Variants in ZNF562 observed in about 807,000 individuals in gnomAD.
The protein encoded by ZNF562 is zinc finger protein 562.
A neutral mutation model predicts 17.5 loss-of-function variants in ZNF562; 13 were observed. The ratio of observed to expected loss-of-function variants is 0.74; its 90% confidence interval spans 0.48 to 1.18. The LOEUF is 1.18. Among genes scored for constraint, ZNF562 ranks in the 50% most tolerant of loss-of-function variants. The probability of loss-of-function intolerance (pLI) is 0.00; values close to 1 mark genes in which losing one functional copy is unlikely to be tolerated. For missense variants in ZNF562, 481 were observed against 498.5 expected, an observed-to-expected ratio of 0.96 and a Z score of 0.33; for synonymous variants, 163 against 165.4, an observed-to-expected ratio of 0.99 and a Z score of 0.11.
chr19:9,663,200 T>C lies in ZNF562; in HGVS notation c.-130-2326A>G, dbSNP rs555011276. 2.7e-5 allele frequency among the ~76,000 whole-genome samples: 4 copies of C among 146,638 alleles called. No individual in the cohort carries two copies. In the East Asian group the frequency reaches 8.0e-4, roughly 29 times the overall value. Reference sequence around the variant, plus strand: ...GCGGGTGGGTCACGAGGTCAGGAGATCGAGACCATCCGGCTAATGCAGTGA... The same window carrying C: ...GCGGGTGGGTCACGAGGTCAGGAGACCGAGACCATCCGGCTAATGCAGTGA... On this transcript the variant is annotated intron_variant, in intron 1 of 5. Transcript: ENST00000453372.
chr19:9,647,447 C>T lies in ZNF562; in HGVS notation c.*5502G>A, dbSNP rs2074816173. 6.6e-6 allele frequency: 1 copy of T among 152,076 alleles called. No individual in the cohort carries two copies. The highest frequency in any genetic ancestry group is 2.1e-4 in the South Asian group (1 of 4,836). 9.4% of individuals were successfully genotyped at this position (152,076 alleles called of 1,614,324 possible). ...TGGGGTCTGTGTTGCCCAGACTGAT[C>T]TTGAACTCCTGGCCTCAAGGAATCC... On this transcript the variant is annotated 3_prime_UTR_variant, in exon 6 of 6. Coordinates refer to ENST00000453372, the MANE Select transcript of ZNF562 (RefSeq NM_001130031.2).
intron 5 of ZNF562, among the ~76,000 whole-genome samples, chr19:9,656,264 C>T (rs2043479513): frequency 6.6e-6 from 1 of 152,178 alleles, no homozygotes; most frequent in African/African-American, 2.4e-5. Context: ...AATCCCAGCA[C>T]TTTGGGAGGT....
At chr19:9,674,269 G>A (rs1488041945) in intron 1 of ZNF562, among the ~76,000 whole-genome samples, 8 of 152,138 alleles carry the variant, frequency 5.3e-5, no homozygotes, top group Admixed American at 3.9e-4. Flanking sequence ...GTAAGTAATC[G>A]AAATAAGTCT....
chr19:9,655,387 G>A (rs527995077), intron 5 of ZNF562, among the ~76,000 whole-genome samples: 1 of 152,166 alleles, frequency 6.6e-6, no homozygotes, highest in Non-Finnish European at 1.5e-5. Context: ...AGTTATACAG[G>A]TATGGAACAT....
chr19:9,645,270 C>T lies in ZNF562; in HGVS notation c.*7679G>A, dbSNP rs2074799020. On this transcript the variant is annotated 3_prime_UTR_variant, in exon 6 of 6. Transcript: ENST00000453372. ...CCATGTTGCCCAAAATGGTCTCAAT[C>T]TCTTGGCCTCGTGATCCAACCATCT... The T allele has an allele frequency of 6.6e-6, 1 of 152,162 alleles. No individual in the cohort carries two copies. Among genetic ancestry groups the T allele is most frequent in the South Asian group, 2.1e-4 (1 of 4,822 alleles). 9.4% of individuals were successfully genotyped at this position (152,162 alleles called of 1,614,324 possible). A position where few individuals can be genotyped will look rare whatever the true frequency, so the allele number is the denominator to read the frequency against.
intron 1 of ZNF562, among the ~76,000 whole-genome samples, chr19:9,669,707 CACGCGCGCGA>C (rs754651291): frequency 0.056 from 5,033 of 90,448 alleles, 99 homozygotes; most frequent in African/African-American, 0.074. Flanking sequence ...TGTCTGCATG[CACGCGCGCGA>C]GCGCGCGCGC....
intron 1 of ZNF562, among the ~76,000 whole-genome samples, chr19:9,673,878 A>C (rs968467337): frequency 5.3e-5 from 8 of 152,068 alleles, no homozygotes; most frequent in Non-Finnish European, 8.8e-5. Flanking sequence ...GTGGTGGTGC[A>C]CGCCTGGAAT....
chr19:9,669,665 A>G (rs971673311), intron 1 of ZNF562, among the ~76,000 whole-genome samples: 2 of 150,762 alleles, frequency 1.3e-5, no homozygotes, highest in African/African-American at 4.9e-5. Flanking sequence ...ACACACATGC[A>G]CGCACAAAAC....
chr19:9,651,262 G>A lies in ZNF562; in HGVS notation c.*1687C>T, dbSNP rs967560193. The stretch of plus-strand genomic sequence containing the variant: ...TGGGGAATGAGGAACATGCTATTGG[G>A]AAATGAAGAAAAGACAACCCTTGAT... On this transcript the variant is annotated 3_prime_UTR_variant, in exon 6 of 6. Transcript: ENST00000453372. The A allele has an allele frequency of 7.9e-5, 12 of 152,168 alleles. No homozygotes were observed. Among genetic ancestry groups the A allele is most frequent in the African/African-American group, 2.9e-4 (12 of 41,444 alleles). 9.4% of individuals were successfully genotyped at this position (152,168 alleles called of 1,614,324 possible).
rs2074806920 is a variant in ZNF562 at position 9,646,407 on chromosome 19, TAAAAA to T, written c.*6537_*6541del. 6.6e-6 allele frequency: 1 copy of T among 152,028 alleles called. No individual in the cohort carries two copies. Among genetic ancestry groups the T allele is most frequent in the Non-Finnish European group, 1.5e-5 (1 of 68,002 alleles). The allele number at this position is 152,028 out of a possible 1,614,324, so 9.4% of individuals were successfully genotyped here. A position where few individuals can be genotyped will look rare whatever the true frequency, so the allele number is the denominator to read the frequency against. On this transcript the variant is annotated 3_prime_UTR_variant, in exon 6 of 6. Transcript: ENST00000453372. ...TTTAAAACTCCAGCTAAAGTATGTA[TAAAAA>T]GACACATTTTTTTAAAAAGCATACA...
intron 3 of ZNF562, chr19:9,658,445 G>A: frequency 1.7e-6 from 1 of 597,388 alleles, no homozygotes; most frequent in South Asian, 7.4e-5. Flanking sequence ...CACCTCCTAA[G>A]TTCAAGTGAT....
chr19:9,646,682 T>G lies in ZNF562; in HGVS notation c.*6267A>C, dbSNP rs989503624. 16 of 151,388 alleles carry G rather than the reference T, an allele frequency of 1.1e-4. No homozygotes were observed. The highest frequency in any genetic ancestry group is 3.6e-4 in the African/African-American group (15 of 41,254). 9.4% of individuals were successfully genotyped at this position (151,388 alleles called of 1,614,324 possible). Reference sequence around the variant, plus strand: ...ATACAACCAGCAAAAATGAAAAATATAAAAAGTATAAATTTTTGCTACACA... The same window carrying G: ...ATACAACCAGCAAAAATGAAAAATAGAAAAAGTATAAATTTTTGCTACACA... On this transcript the variant is annotated 3_prime_UTR_variant, in exon 6 of 6. Transcript: ENST00000453372.
Position 9,644,792 on chromosome 19 carries a change from T to TC in ZNF562, c.*8156dup, listed in dbSNP as rs2074795888. The TC allele has an allele frequency of 1.3e-5, 2 of 152,086 alleles. No homozygotes were observed. The highest frequency in any genetic ancestry group is 4.2e-4 in the South Asian group (2 of 4,818). The allele number at this position is 152,086 out of a possible 1,614,324, so 9.4% of individuals were successfully genotyped here. On this transcript the variant is annotated 3_prime_UTR_variant, in exon 6 of 6. Transcript: ENST00000453372. ...AACCCCCCCCCATGATTCTATTACCTCCCACCTGGTCTCTCCCTCGACACC... is the reference window on the plus strand; with the variant it reads ...AACCCCCCCCCATGATTCTATTACCTCCCCACCTGGTCTCTCCCTCGACACC...
At chr19:9,661,757 C>T (rs1368650978) in intron 1 of ZNF562, among the ~76,000 whole-genome samples, 2 of 152,028 alleles carry the variant, frequency 1.3e-5, no homozygotes, top group African/African-American at 2.4e-5. Context: ...ACTGTGCCAT[C>T]GCACTCCAGC....
intron 1 of ZNF562, among the ~76,000 whole-genome samples, chr19:9,673,442 G>T (rs2044276879): frequency 6.6e-6 from 1 of 151,774 alleles, no homozygotes; most frequent in African/African-American, 2.4e-5. Context: ...GGATTACAGG[G>T]GCCCACCACC....
Position 9,652,951 on chromosome 19 carries a change from A to C in ZNF562, c.1279T>G (p.Ter427GluextTer27), listed in dbSNP as rs747843481. The C allele has an allele frequency of 4.7e-6, 7 of 1,485,244 alleles. No homozygotes were observed. The South Asian group carries it at 1.1e-4, about 23-fold the overall frequency. The allele number at this position is 1,485,244 out of a possible 1,614,324, so 92.0% of individuals were successfully genotyped here. The stretch of plus-strand genomic sequence containing the variant: ...ATTCTTTCCCACATATCTTGCATTT[A>C]CCTTTCTCCACTGTGAGTTTTCAAA... ...KHLKTHSGER[*>E] is the part of the protein sequence containing the mutation. Residue 427 changes from the stop codon to glutamate (E), a stop_lost, in exon 6 of 6, where the codon TAA becomes GAA. Coordinates refer to ENST00000453372, the MANE Select transcript of ZNF562 (RefSeq NM_001130031.2).
At chr19:9,658,982 T>A (rs1403141838) in intron 3 of ZNF562, among the ~76,000 whole-genome samples, 1 of 152,190 alleles carries the variant, frequency 6.6e-6, no homozygotes, top group Admixed American at 6.5e-5. Context: ...ACAAACAGGC[T>A]AGGAGCTCTT....
intron 1 of ZNF562, among the ~76,000 whole-genome samples, chr19:9,673,001 T>G (rs1279086142): frequency 1.4e-5 from 2 of 145,328 alleles, no homozygotes; most frequent in African/African-American, 4.9e-5. Context: ...TCAACTTTCC[T>G]GTTCTCCATG....
Position 9,656,557 on chromosome 19 carries a change from C to T in ZNF562, c.338G>A (p.Gly113Glu). Reference protein sequence around the residue: ...QGFLKNQIFTGIQMQTRSYSG... With the variant: ...QGFLKNQIFTEIQMQTRSYSG... ...CCTCATGAATCTTACCATTTGTATC[C>T]CAGTGAATATTTGATTCTTCAAAAA... Residue 113 changes from glycine to glutamate, a missense_variant, in exon 5 of 6, where the codon GGG becomes GAG. Coordinates refer to ENST00000453372, the MANE Select transcript of ZNF562 (RefSeq NM_001130031.2). 1 of 1,613,304 alleles carries T rather than the reference C, an allele frequency of 6.2e-7. No homozygotes were observed.
Sources: allele counts gnomAD v4.1 joint callset (sites outside exome capture counted in the v4.1 genomes callset), GRCh38; gene constraint gnomAD v4.1.1; transcripts MANE v1.5; gene names NCBI Gene and HGNC (gene_info 2026-07-23, HGNC 2026-07-21).